WDFY3: variants seen among roughly 807,000 people sequenced by gnomAD.
WDFY3 encodes the protein WD repeat and FYVE domain-containing protein 3.
In WDFY3, 66 loss-of-function variants were observed where a neutral mutation model predicts 409.6. That is an observed-to-expected ratio of 0.16 (90% CI 0.13 to 0.20). The LOEUF (loss-of-function observed/expected upper bound fraction) is 0.20. Among genes scored for constraint, WDFY3 ranks in the 10% least tolerant of loss-of-function variants. The probability of loss-of-function intolerance (pLI) is 1.00; values close to 1 mark genes in which losing one functional copy is unlikely to be tolerated. For synonymous variants in WDFY3, 1,521 were observed against 1,537.1 expected (o/e 0.99, Z 0.25); for missense variants, 3,031 against 4,298.1 (o/e 0.71, Z 8.24).
intron 24 of WDFY3, 40 bp downstream of exon 24, chr4:84,785,939 G>A (rs987557348): frequency 1.2e-6 from 2 of 1,605,424 alleles, no homozygotes; most frequent in Non-Finnish European, 1.7e-6. Flanking sequence ...TGTTCCCAGT[G>A]AGAATCAGCC....
chr4:84,724,643 A>G, intron 45 of WDFY3, 49 bp from the exon 46 acceptor site: 1 of 1,583,410 alleles, frequency 6.3e-7, no homozygotes, highest in Non-Finnish European at 8.6e-7. Flanking sequence ...ACCAAGAATT[A>G]AAACGTAATA....
At chr4:84,787,121 A>G (rs1482016843) in intron 23 of WDFY3, among the ~76,000 whole-genome samples, 4 of 152,168 alleles carry the variant, frequency 2.6e-5, no homozygotes, top group African/African-American at 9.7e-5. Context: ...TGTTTATTGA[A>G]CCTATCTGTT....
At chr4:84,738,349 C>T (rs1737819841) in intron 40 of WDFY3, among the ~76,000 whole-genome samples, 4 of 151,870 alleles carry the variant, frequency 2.6e-5, no homozygotes, top group Admixed American at 2.6e-4. Flanking sequence ...GTAATCCCAG[C>T]ACTTTGGGAG....
At position 84,753,760 on chromosome 4, in the gene WDFY3, A is replaced by G; in HGVS notation, c.5676T>C (p.Pro1892=). ...TGGCTGCTAATGCACACAGGAAGTC[A>G]GGGCTCATCCACATGGAGGCAAGGT... ...VPDLASMWMS[P]DFLCALAATV... is the part of the protein sequence containing the mutation. Residue 1892 remains proline, a synonymous_variant, in exon 35 of 68, where the codon CCT becomes CCC. Transcript: ENST00000295888. 7 of 1,612,114 alleles carry G rather than the reference A, an allele frequency of 4.3e-6. No homozygotes were observed. The highest frequency in any genetic ancestry group is 5.9e-6 in the Non-Finnish European group (7 of 1,179,202).
Position 84,919,339 on chromosome 4 carries a change from A to G in WDFY3, c.-132+12931T>C, listed in dbSNP as rs374580753. Among the ~76,000 whole-genome samples the G allele has an allele frequency of 2.6e-5, 4 of 152,268 alleles. No individual in the cohort carries two copies. In the East Asian group the frequency reaches 7.7e-4, roughly 29 times the overall value. Reference sequence around the variant, plus strand: ...AGAGAGAGTAAATCATTATTTTGCAACTATAATAGTAAAGATTGATTCAAG... The same window carrying G: ...AGAGAGAGTAAATCATTATTTTGCAGCTATAATAGTAAAGATTGATTCAAG... On this transcript the variant is annotated intron_variant, in intron 2 of 67. Transcript: ENST00000295888.
Position 84,863,612 on chromosome 4 carries a change from AATT to A in WDFY3, c.-31-2993_-31-2991del, listed in dbSNP as rs1457682651. On this transcript the variant is annotated intron_variant, in intron 3 of 67. Coordinates refer to ENST00000295888, the MANE Select transcript of WDFY3 (RefSeq NM_014991.6). The stretch of plus-strand genomic sequence containing the variant: ...GTTGCATGAGTCCCTTATGTACTTA[AATT>A]ATTACCTACACCAATATCATGAGGC... Among the ~76,000 whole-genome samples, 4 of 152,258 alleles carry A rather than the reference AATT, an allele frequency of 2.6e-5. No individual in the cohort carries two copies. The East Asian group carries it at 7.7e-4, about 29-fold the overall frequency.
chr4:84,717,094 T>A, intron 48 of WDFY3, 78 bp from the exon 49 acceptor site: 1 of 1,409,116 alleles, frequency 7.1e-7, no homozygotes, highest in African/African-American at 1.5e-5. Context: ...GCGTGCTAAT[T>A]TTAAACACAT....
At chr4:84,745,605 G>A (rs1468083013) in intron 36 of WDFY3, among the ~76,000 whole-genome samples, 1 of 152,166 alleles carries the variant, frequency 6.6e-6, no homozygotes, top group African/African-American at 2.4e-5. Flanking sequence ...TCTTCTGCAT[G>A]AGACTATTCA....
chr4:84,848,480 G>C (rs1196965516), intron 5 of WDFY3, among the ~76,000 whole-genome samples: 1 of 152,150 alleles, frequency 6.6e-6, no homozygotes. Flanking sequence ...GGGCTGCATG[G>C]AAGGACAGAG....
chr4:84,913,992 A>G (rs1349018565), intron 2 of WDFY3, among the ~76,000 whole-genome samples: 8 of 152,170 alleles, frequency 5.3e-5, no homozygotes, highest in Admixed American at 3.3e-4. Flanking sequence ...AATGAATGGT[A>G]AATACATTTT....
intron 37 of WDFY3, among the ~76,000 whole-genome samples, chr4:84,742,127 T>C (rs1027488809): frequency 2.6e-5 from 4 of 152,206 alleles, no homozygotes; most frequent in African/African-American, 7.2e-5. Flanking sequence ...TAAAGCGTTA[T>C]GGATTGAAAC....
intron 56 of WDFY3, among the ~76,000 whole-genome samples, chr4:84,700,849 C>T (rs1298484753): frequency 6.6e-6 from 1 of 152,218 alleles, no homozygotes; most frequent in Non-Finnish European, 1.5e-5. Flanking sequence ...ACGCCTGTAA[C>T]CACTGAGACG....
At chr4:84,829,992 A>C (rs1035177602) in intron 8 of WDFY3, among the ~76,000 whole-genome samples, 4 of 152,106 alleles carry the variant, frequency 2.6e-5, no homozygotes, top group African/African-American at 9.7e-5. Context: ...TTCAAGGAAG[A>C]CTTTCACTTT....
chr4:84,823,777 G>C (rs1754432715), intron 10 of WDFY3, among the ~76,000 whole-genome samples: 2 of 152,112 alleles, frequency 1.3e-5, no homozygotes, highest in African/African-American at 4.8e-5. Flanking sequence ...ACAATACCAA[G>C]TGTTACTGAC....
At chr4:84,723,936 C>A (rs1334830551) in intron 46 of WDFY3, among the ~76,000 whole-genome samples, 1 of 152,204 alleles carries the variant, frequency 6.6e-6, no homozygotes, top group African/African-American at 2.4e-5. Flanking sequence ...ATCTACTCAG[C>A]TCCTAAAGTT....
At chr4:84,828,969 C>T in intron 9 of WDFY3, 35 bp downstream of exon 9, 1 of 1,523,696 alleles carries the variant, frequency 6.6e-7, no homozygotes, top group Non-Finnish European at 8.8e-7. Context: ...ACTGAGTAGA[C>T]ATTTAAAATA....
At chr4:84,815,493 G>A (rs1753158706) in intron 13 of WDFY3, among the ~76,000 whole-genome samples, 2 of 152,034 alleles carry the variant, frequency 1.3e-5, no homozygotes, top group Non-Finnish European at 2.9e-5. Context: ...CATAGCAAAG[G>A]AAAATACAAG....
intron 32 of WDFY3, among the ~76,000 whole-genome samples, chr4:84,763,118 T>C (rs1349632553): frequency 2.0e-5 from 3 of 152,176 alleles, no homozygotes; most frequent in Non-Finnish European, 4.4e-5. Context: ...CTATAATTAA[T>C]CTTAAGGAAT....
chr4:84,897,061 T>C (rs546404409), intron 2 of WDFY3, 51 bp from the exon 3 acceptor site: 12 of 152,332 alleles, frequency 7.9e-5, no homozygotes, highest in Non-Finnish European at 1.8e-4. Context: ...TCAGAATATT[T>C]TCCTCAACAC....
Sources: gnomAD v4.1 joint callset for allele counts (sites outside exome capture counted in the v4.1 genomes callset) on GRCh38, gnomAD v4.1.1 for gene constraint, MANE v1.5 for transcripts, NCBI Gene and HGNC (gene_info 2026-07-23, HGNC 2026-07-21) for gene names.